The following RBFOX1 variants were observed in gnomAD, a reference collection of about 807,000 sequenced individuals.
The protein encoded by RBFOX1 is RNA binding protein fox-1 homolog 1.
RBFOX1 carries 8 observed loss-of-function variants against 57.7 expected under a neutral mutation model. The ratio of observed to expected loss-of-function variants is 0.14; its 90% CI spans 0.08 to 0.25. The LOEUF (loss-of-function observed/expected upper bound fraction) is 0.25, where lower values mean the gene tolerates loss of function less well. Ranked by LOEUF, RBFOX1 falls within the 10% of genes least tolerant of loss-of-function variation. The pLI, the probability that RBFOX1 is intolerant of heterozygous loss-of-function variation, is 1.00. For missense variants in RBFOX1, 611 were observed against 548.5 expected (o/e 1.11, Z -1.14); for synonymous variants, 326 against 222.4 (o/e 1.47, Z -4.15).
chr16:6,748,204 G>C (rs2154188832), intron 3 of RBFOX1, among the ~76,000 whole-genome samples: 1 of 151,960 alleles, frequency 6.6e-6, no homozygotes, highest in Non-Finnish European at 1.5e-5. Flanking sequence ...ATATCCTTAT[G>C]GGTTCAGTAC....
At chr16:5,873,341 G>T (rs946654668) in intron 4 of RBFOX1, among the ~76,000 whole-genome samples, 1 of 152,138 alleles carries the variant, frequency 6.6e-6, no homozygotes, top group African/African-American at 2.4e-5. Context: ...TGGCCCTCTT[G>T]TCTCCACCCA....
intron 1 of RBFOX1, among the ~76,000 whole-genome samples, chr16:5,419,772 G>A (rs2067260458): frequency 6.6e-6 from 1 of 151,976 alleles, no homozygotes; most frequent in African/African-American, 2.4e-5. Context: ...CCAGCAGAAG[G>A]AGAAGTTGGA....
At chr16:6,675,936 C>A (rs959549059) in intron 3 of RBFOX1, among the ~76,000 whole-genome samples, 1 of 152,054 alleles carries the variant, frequency 6.6e-6, no homozygotes, top group Non-Finnish European at 1.5e-5. Flanking sequence ...AGGCCTGAGA[C>A]CCTTGTGAAT....
intron 3 of RBFOX1, among the ~76,000 whole-genome samples, chr16:6,691,662 C>T (rs1364131228): frequency 6.6e-6 from 1 of 152,140 alleles, no homozygotes; most frequent in African/African-American, 2.4e-5. Context: ...ATGACCATGG[C>T]AGGTAGGATA....
intron 5 of RBFOX1, among the ~76,000 whole-genome samples, chr16:7,549,019 G>A (rs1408759956): frequency 1.3e-5 from 2 of 152,206 alleles, no homozygotes. Flanking sequence ...TAGCCCAGAT[G>A]GTGATAGGAG....
intron 13 of RBFOX1, among the ~76,000 whole-genome samples, chr16:7,669,824 T>C (rs1568376442): frequency 6.6e-6 from 1 of 152,198 alleles, no homozygotes; most frequent in African/African-American, 2.4e-5. Flanking sequence ...CCTGAGACCT[T>C]GCTTTCAGTG....
At position 7,255,917 on chromosome 16, in the gene RBFOX1, G is replaced by C. The variant is rs184083710; in HGVS notation, c.27+203819G>C. Reference sequence around the variant, plus strand: ...TCCGTTACCTTATTGGATAGCACTAGTCTAGAGGAAATATAATAAGATCAT... The same window carrying C: ...TCCGTTACCTTATTGGATAGCACTACTCTAGAGGAAATATAATAAGATCAT... On this transcript the variant is annotated intron_variant, in intron 4 of 15. Coordinates refer to ENST00000550418, the MANE Select transcript of RBFOX1 (RefSeq NM_018723.4). Among the ~76,000 whole-genome samples the C allele has an allele frequency of 4.9e-3, 744 of 152,276 alleles. 7 individuals are homozygous for C. The highest frequency in any genetic ancestry group is 0.024 in the Middle Eastern group (7 of 292).
At chr16:7,343,072 T>C (rs956458692) in intron 4 of RBFOX1, among the ~76,000 whole-genome samples, 7 of 152,138 alleles carry the variant, frequency 4.6e-5, no homozygotes, top group African/African-American at 1.7e-4. Context: ...CTCCGTTCCA[T>C]GTGGCCATAG....
intron 1 of RBFOX1, among the ~76,000 whole-genome samples, chr16:5,395,438 A>G (rs2066523895): frequency 6.7e-6 from 1 of 148,730 alleles, no homozygotes; most frequent in Non-Finnish European, 1.5e-5. Context: ...GGGTGAGGTC[A>G]TGGGCCTTTG....
intron 3 of RBFOX1, among the ~76,000 whole-genome samples, chr16:5,789,969 C>A (rs537445470): frequency 6.6e-6 from 1 of 152,344 alleles, no homozygotes; most frequent in East Asian, 1.9e-4. Context: ...GACCTCTACA[C>A]CTCACGGGCT....
intron 1 of RBFOX1, among the ~76,000 whole-genome samples, chr16:5,420,007 G>A (rs996961340): frequency 1.3e-5 from 2 of 152,122 alleles, no homozygotes; most frequent in Non-Finnish European, 2.9e-5. Flanking sequence ...TGTGACTTGG[G>A]CCTGTGAGAC....
chr16:7,397,249 A>G (rs2098156472), intron 4 of RBFOX1, among the ~76,000 whole-genome samples: 1 of 152,204 alleles, frequency 6.6e-6, no homozygotes, highest in African/African-American at 2.4e-5. Flanking sequence ...GTAAGATAGA[A>G]TTGTGTGTAT....
At chr16:6,158,987 C>T (rs541435736) in intron 1 of RBFOX1, among the ~76,000 whole-genome samples, 33 of 152,084 alleles carry the variant, frequency 2.2e-4, no homozygotes, top group Middle Eastern at 3.4e-3. Context: ...ACTGCAACCT[C>T]CACCTCCTGG....
intron 4 of RBFOX1, among the ~76,000 whole-genome samples, chr16:7,465,742 C>G (rs929768294): frequency 2.0e-5 from 3 of 152,122 alleles, no homozygotes; most frequent in African/African-American, 7.2e-5. Flanking sequence ...GGTCCCTCTT[C>G]AAGCCGATGA....
intron 3 of RBFOX1, among the ~76,000 whole-genome samples, chr16:6,941,821 G>T (rs1439035622): frequency 6.6e-6 from 1 of 152,034 alleles, no homozygotes; most frequent in Non-Finnish European, 1.5e-5. Context: ...ATAAGAATGA[G>T]CTGCTTTTTT....
chr16:6,766,192 CATGA>C (rs992036262), intron 3 of RBFOX1, among the ~76,000 whole-genome samples: 5 of 151,898 alleles, frequency 3.3e-5, no homozygotes, highest in African/African-American at 1.2e-4. Context: ...AAAAAAAAGA[CATGA>C]ATAAGAGCCC....
intron 4 of RBFOX1, among the ~76,000 whole-genome samples, chr16:7,148,115 C>T (rs2075388494): frequency 6.6e-6 from 1 of 152,168 alleles, no homozygotes; most frequent in Admixed American, 6.5e-5. Context: ...GGAAGTGACG[C>T]ACAATTGACT....
At chr16:6,759,507 G>A (rs913329228) in intron 3 of RBFOX1, among the ~76,000 whole-genome samples, 1 of 139,722 alleles carries the variant, frequency 7.2e-6, no homozygotes, top group Admixed American at 7.3e-5. Flanking sequence ...GTGTGTGTGT[G>A]TGTGTGTGTG....
At chr16:6,655,066 A>T (rs2098637528) in intron 3 of RBFOX1, among the ~76,000 whole-genome samples, 1 of 151,692 alleles carries the variant, frequency 6.6e-6, no homozygotes, top group South Asian at 2.1e-4. Context: ...TATATATCTG[A>T]CTCATACACT....
Sources: allele counts gnomAD v4.1 joint callset (sites outside exome capture counted in the v4.1 genomes callset), GRCh38; gene constraint gnomAD v4.1.1; transcripts MANE v1.5; gene names NCBI Gene and HGNC (gene_info 2026-07-23, HGNC 2026-07-21).